CCSER1: variants seen among roughly 807,000 people sequenced by gnomAD.
CCSER1 encodes coiled-coil serine rich protein 1.
A neutral mutation model predicts 82.0 loss-of-function variants in CCSER1; 41 were observed. That is an observed-to-expected ratio of 0.50 (90% CI 0.39 to 0.65). The LOEUF (loss-of-function observed/expected upper bound fraction) is 0.65, where lower values mean the gene tolerates loss of function less well. Ranked by LOEUF, CCSER1 falls within the 30% of genes least tolerant of loss-of-function variation. CCSER1 has a pLI of 0.00. For synonymous variants in CCSER1, 414 were observed against 383.9 expected (o/e 1.08, Z -0.92); for missense variants, 1,119 against 1,064.2 (o/e 1.05, Z -0.72).
At chr4:90,242,506 G>A (rs1044244419) in intron 1 of CCSER1, among the ~76,000 whole-genome samples, 3 of 152,100 alleles carry the variant, frequency 2.0e-5, no homozygotes, top group Admixed American at 2.0e-4. Context: ...CATATGAAAA[G>A]GATGATGATA....
intron 1 of CCSER1, among the ~76,000 whole-genome samples, chr4:90,239,847 T>C (rs1473934511): frequency 6.6e-6 from 1 of 152,180 alleles, no homozygotes; most frequent in Non-Finnish European, 1.5e-5. Flanking sequence ...ATCAGATTGA[T>C]TCAATACCAA....
At chr4:90,450,329 A>G (rs955604773) in intron 4 of CCSER1, among the ~76,000 whole-genome samples, 30 of 152,362 alleles carry the variant, frequency 2.0e-4, no homozygotes, top group African/African-American at 7.2e-4. Context: ...TTCTGAAAAC[A>G]ATGTTGTCAC....
chr4:90,133,855 G>T (rs1360893032), intron 1 of CCSER1, among the ~76,000 whole-genome samples: 1 of 152,180 alleles, frequency 6.6e-6, no homozygotes, highest in Non-Finnish European at 1.5e-5. Flanking sequence ...GCACATAGTA[G>T]ACGCCTGATA....
At chr4:90,548,485 G>C (rs116034377) in intron 5 of CCSER1, among the ~76,000 whole-genome samples, 34 of 152,146 alleles carry the variant, frequency 2.2e-4, no homozygotes, top group Non-Finnish European at 4.3e-4. Flanking sequence ...CACCTGGGTA[G>C]AGCCTCTGGG....
intron 3 of CCSER1, among the ~76,000 whole-genome samples, chr4:90,332,207 C>T (rs185570874): frequency 7.3e-5 from 11 of 151,694 alleles, no homozygotes; most frequent in East Asian, 3.9e-4. Flanking sequence ...TATGCCACGT[C>T]GCTACAGTTT....
At chr4:91,017,028 C>T (rs559295121) in intron 9 of CCSER1, 1 of 152,150 alleles carries the variant, frequency 6.6e-6, no homozygotes, top group East Asian at 1.9e-4. Context: ...GTACCTGCCT[C>T]CCGAGGAGAC....
At chr4:90,846,220 A>G (rs942080175) in intron 8 of CCSER1, among the ~76,000 whole-genome samples, 3 of 152,158 alleles carry the variant, frequency 2.0e-5, no homozygotes, top group African/African-American at 7.2e-5. Flanking sequence ...ATAAATAGAG[A>G]TATGTGTGTT....
intron 9 of CCSER1, among the ~76,000 whole-genome samples, chr4:91,035,181 G>A (rs1741327469): frequency 6.6e-6 from 1 of 152,088 alleles, no homozygotes; most frequent in African/African-American, 2.4e-5. Context: ...TCATAAGAAT[G>A]TCATCATTTG....
chr4:91,394,468 G>T (rs1227295206), intron 10 of CCSER1, among the ~76,000 whole-genome samples: 1 of 151,818 alleles, frequency 6.6e-6, no homozygotes, highest in East Asian at 1.9e-4. Context: ...TTTTTCTCTT[G>T]AGCCAATATC....
intron 10 of CCSER1, among the ~76,000 whole-genome samples, chr4:91,369,661 C>CTTTTT (rs573494038): frequency 2.7e-5 from 2 of 73,418 alleles, no homozygotes; most frequent in African/African-American, 5.7e-5. Context: ...TAATCTGTAG[C>CTTTTT]TTTTTTTTTT....
chr4:91,118,404 A>G (rs1418267038), intron 10 of CCSER1, among the ~76,000 whole-genome samples: 1 of 150,960 alleles, frequency 6.6e-6, no homozygotes, highest in Non-Finnish European at 1.5e-5. Flanking sequence ...CCTCCTGAGT[A>G]CCTAGGACTA....
chr4:90,228,193 G>A (rs762612136), intron 1 of CCSER1, among the ~76,000 whole-genome samples: 39 of 152,296 alleles, frequency 2.6e-4, no homozygotes, highest in Admixed American at 8.5e-4. Flanking sequence ...CAAAAAGACC[G>A]CAGTAACCTC....
At chr4:91,437,175 G>T (rs72880881) in intron 10 of CCSER1, among the ~76,000 whole-genome samples, 19 of 152,142 alleles carry the variant, frequency 1.2e-4, no homozygotes, top group Non-Finnish European at 8.8e-5. Flanking sequence ...CAGATTAACT[G>T]GGCCAAAAAT....
chr4:91,206,717 C>T (rs1736378969), intron 10 of CCSER1, among the ~76,000 whole-genome samples: 1 of 151,708 alleles, frequency 6.6e-6, no homozygotes, highest in Admixed American at 6.6e-5. Flanking sequence ...ACAATGATAC[C>T]CCATGAGGCA....
chr4:91,030,518 A>T (rs1372998813), intron 9 of CCSER1, among the ~76,000 whole-genome samples: 1 of 152,108 alleles, frequency 6.6e-6, no homozygotes, highest in African/African-American at 2.4e-5. Context: ...GGAGGATGAG[A>T]GAGCTGTGGA....
intron 3 of CCSER1, among the ~76,000 whole-genome samples, chr4:90,354,492 C>T (rs139262098): frequency 4.6e-5 from 7 of 152,160 alleles, no homozygotes; most frequent in East Asian, 1.9e-4. Context: ...TCTCAACACA[C>T]GCACACAAAC....
chr4:91,263,234 G>A (rs1349347242), intron 10 of CCSER1, among the ~76,000 whole-genome samples: 1 of 151,934 alleles, frequency 6.6e-6, no homozygotes, highest in Non-Finnish European at 1.5e-5. Context: ...ATCTAGCAGT[G>A]ACTATTTTAA....
chr4:91,276,987 A>T (rs1742518099), intron 10 of CCSER1, among the ~76,000 whole-genome samples: 1 of 152,098 alleles, frequency 6.6e-6, no homozygotes, highest in Admixed American at 6.5e-5. Flanking sequence ...CTAGTCTTGC[A>T]CTGCTGGGAT....
In CCSER1 at chr4:90,157,585, T is replaced by C. The variant is rs185457985; in HGVS notation, c.-42+29754T>C. On this transcript the variant is annotated intron_variant, in intron 1 of 10. Coordinates refer to ENST00000509176, the MANE Select transcript of CCSER1 (RefSeq NM_001145065.2). ...GCTTTGTTCGTTTCTTTTTATTCTT[T>C]TTTCTCTAAATTTCCCTTCTCGCTT... is the stretch of plus-strand genomic sequence containing the variant. 3.7e-3 allele frequency among the ~76,000 whole-genome samples: 568 copies of C among 152,304 alleles called. 1 individual carries two copies. The highest frequency in any genetic ancestry group is 0.013 in the African/African-American group (522 of 41,558).
Sources: gnomAD v4.1 joint callset for allele counts (sites outside exome capture counted in the v4.1 genomes callset) on GRCh38, gnomAD v4.1.1 for gene constraint, MANE v1.5 for transcripts, NCBI Gene and HGNC (gene_info 2026-07-23, HGNC 2026-07-21) for gene names.